The following FAM222B variants were observed in gnomAD, a reference collection of about 807,000 sequenced individuals.
FAM222B encodes the protein family with sequence similarity 222 member B.
A neutral mutation model predicts 38.0 loss-of-function variants in FAM222B; 12 were observed. That is an observed-to-expected ratio of 0.32 (90% CI 0.20 to 0.51). The LOEUF (loss-of-function observed/expected upper bound fraction) is 0.51. Ranked by LOEUF, FAM222B falls within the 20% of genes least tolerant of loss-of-function variation. The pLI is 0.97. For synonymous variants in FAM222B, 329 were observed against 317.2 expected, an observed-to-expected ratio of 1.04 and a Z score of -0.40; for missense variants, 716 against 754.2, an observed-to-expected ratio of 0.95 and a Z score of 0.59.
Position 28,758,705 on chromosome 17 carries a change from C to A in FAM222B, c.1254G>T (p.Gln418His). ...CCAGGGGTGGCTTCAGATGGAAGGA[C>A]TGCGCCAGGCAGAGTTCCTGCGGGT... ...PAYPQELCLA[Q>H]SFHLKPPLEK... Residue 418 changes from glutamine to histidine, a missense_variant, in exon 3 of 3, where the codon CAG becomes CAT. Transcript: ENST00000581407. 1 of 1,596,986 alleles carries A rather than the reference C, an allele frequency of 6.3e-7. No individual in the cohort carries two copies. Among genetic ancestry groups the A allele is most frequent in the Non-Finnish European group, 8.5e-7 (1 of 1,169,734 alleles).
At position 28,827,625 on chromosome 17, in the gene FAM222B, G is replaced by A. The variant is rs1172787115; in HGVS notation, c.-41+15057C>T. On this transcript the variant is annotated intron_variant, in intron 1 of 2. Coordinates refer to ENST00000581407, the MANE Select transcript of FAM222B (RefSeq NM_001077498.3). ...AGACTTCACAGAAGAAATTAACTAT[G>A]AGCTAAATCCTAAAGCTTAATTAGG... Among the ~76,000 whole-genome samples the A allele has an allele frequency of 2.6e-5, 4 of 152,158 alleles. No homozygotes were observed. The East Asian group carries it at 5.8e-4, about 22-fold the overall frequency.
intron 1 of FAM222B, among the ~76,000 whole-genome samples, chr17:28,800,080 G>A (rs1567854379): frequency 6.7e-6 from 1 of 149,430 alleles, no homozygotes; most frequent in East Asian, 2.0e-4. Flanking sequence ...TGCCCATGCT[G>A]GAGTGCCATG....
At chr17:28,847,468 C>G (rs144711718), upstream of FAM222B, among the ~76,000 whole-genome samples, 73 of 151,940 alleles carry the variant, frequency 4.8e-4, 1 homozygote, top group Middle Eastern at 3.4e-3. Context: ...GTGGCGGAAG[C>G]CTGTAATCCC....
intron 1 of FAM222B, among the ~76,000 whole-genome samples, chr17:28,769,545 C>A (rs1483942396): frequency 2.0e-5 from 3 of 152,234 alleles, no homozygotes; most frequent in Non-Finnish European, 4.4e-5. Context: ...GTTCCGCCCG[C>A]CTTGGCCTCC....
In FAM222B at chr17:28,766,638, G is replaced by C. The variant is rs1389827894; in HGVS notation, c.30C>G (p.Asp10Glu). 6.2e-7 allele frequency: 1 copy of C among 1,606,542 alleles called. No homozygotes were observed. Among genetic ancestry groups the C allele is most frequent in the South Asian group, 1.1e-5 (1 of 89,406 alleles). Residue 10 changes from aspartate (D) to glutamate (E), a missense_variant, in exon 2 of 3, where the codon GAC becomes GAG. By Grantham distance (45) the Asp-to-Glu change is conservative. Coordinates refer to ENST00000581407, the MANE Select transcript of FAM222B (RefSeq NM_001077498.3). MLACLPGPG[D>E]LSFQLLSHTQ... The stretch of plus-strand genomic sequence containing the variant: ...TGTGAGAAAGAAGCTGAAAGGACAG[G>C]TCACCTGGCCCTGGTAGACAGGCTA...
At chr17:28,854,053 C>T (rs1195444715) in intron 1 of FAM222B, among the ~76,000 whole-genome samples, 1 of 151,482 alleles carries the variant, frequency 6.6e-6, no homozygotes, top group Non-Finnish European at 1.5e-5. Context: ...ACGCCATTCT[C>T]CTGCCTCAGC....
chr17:28,810,868 GCTC>G (rs1042371834), intron 1 of FAM222B, among the ~76,000 whole-genome samples: 2 of 151,920 alleles, frequency 1.3e-5, no homozygotes, highest in East Asian at 1.9e-4. Flanking sequence ...ATCCCAAATT[GCTC>G]CTAATTGTCT....
intron 1 of FAM222B, among the ~76,000 whole-genome samples, chr17:28,790,915 T>TTTTTTTTTTA (rs752443903): frequency 2.5e-4 from 30 of 121,086 alleles, no homozygotes; most frequent in South Asian, 1.0e-3. Flanking sequence ...TTTTTTTTTT[T>TTTTTTTTTTA]AGAGACAGAA....
chr17:28,847,080 G>A (rs909985920), upstream of FAM222B, among the ~76,000 whole-genome samples: 1 of 151,400 alleles, frequency 6.6e-6, no homozygotes, highest in African/African-American at 2.4e-5. Context: ...CAAATTAGCC[G>A]GGCATGGTGG....
rs1162770681 is a variant in FAM222B at position 28,759,067 on chromosome 17, T to C, written c.892A>G (p.Ile298Val). 6.2e-7 allele frequency: 1 copy of C among 1,612,418 alleles called. No homozygotes were observed. Among genetic ancestry groups the C allele is most frequent in the South Asian group, 1.1e-5 (1 of 90,776 alleles). The change falls in exon 3 of 3, where the codon ATT becomes GTT. Residue 298 changes from isoleucine (I) to valine (V), a missense_variant. Transcript: ENST00000581407. The surrounding 1 kb of genome is among the most constrained non-coding windows in gnomAD (Gnocchi z 4.8). ...CEGQIANPSP[I>V]SRSLLINAST... is the part of the protein sequence containing the mutation. ...GCATTGATGAGCAGACTGCGACTAA[T>C]GGGGCTGGGGTTGGCGATCTGGCCC...
intron 1 of FAM222B, among the ~76,000 whole-genome samples, chr17:28,782,456 T>C (rs1162996909): frequency 1.3e-5 from 2 of 152,210 alleles, no homozygotes; most frequent in Non-Finnish European, 2.9e-5. Flanking sequence ...AAATGGATTA[T>C]GGAATCTAAA....
At chr17:28,812,517 G>C (rs532032234) in intron 1 of FAM222B, 70 of 152,300 alleles carry the variant, frequency 4.6e-4, no homozygotes, top group African/African-American at 1.6e-3. Flanking sequence ...TCTCCTGTCT[G>C]CACAGCCAAT....
chr17:28,780,899 GA>G (rs2151839409), intron 1 of FAM222B, among the ~76,000 whole-genome samples: 2 of 151,228 alleles, frequency 1.3e-5, no homozygotes, highest in African/African-American at 4.8e-5. Context: ...AAAACCCAAA[GA>G]AACAAAAACA....
At chr17:28,824,746 C>T (rs752498461) in intron 1 of FAM222B, among the ~76,000 whole-genome samples, 1 of 152,124 alleles carries the variant, frequency 6.6e-6, no homozygotes, top group African/African-American at 2.4e-5. Flanking sequence ...GTGCAAAGAG[C>T]CTTGTTACTG....
chr17:28,831,723 G>C (rs986356585), intron 1 of FAM222B, among the ~76,000 whole-genome samples: 1 of 151,454 alleles, frequency 6.6e-6, no homozygotes, highest in Non-Finnish European at 1.5e-5. Flanking sequence ...TCCCAGGCTG[G>C]TCTCGAACCC....
intron 1 of FAM222B, among the ~76,000 whole-genome samples, chr17:28,786,141 GT>G (rs796268771): frequency 2.2e-4 from 32 of 145,144 alleles, no homozygotes; most frequent in East Asian, 4.0e-4. Context: ...CATAGGTTTT[GT>G]TTTTTTTTTT....
chr17:28,816,891 A>G (rs923600076), intron 1 of FAM222B, among the ~76,000 whole-genome samples: 1 of 152,150 alleles, frequency 6.6e-6, no homozygotes, highest in Non-Finnish European at 1.5e-5. Context: ...ACAGTAATTA[A>G]AGGGTTTTAA....
At chr17:28,767,627 C>T (rs892442780) in intron 1 of FAM222B, among the ~76,000 whole-genome samples, 4 of 151,854 alleles carry the variant, frequency 2.6e-5, no homozygotes, top group African/African-American at 9.7e-5. Flanking sequence ...AGGCGCATGC[C>T]GCCATGCCCA....
chr17:28,821,526 T>C (rs1239272163), intron 1 of FAM222B, among the ~76,000 whole-genome samples: 1 of 152,188 alleles, frequency 6.6e-6, no homozygotes, highest in Admixed American at 6.5e-5. Context: ...TGATGTACTT[T>C]AAGAACAAGG....
Sources: gnomAD v4.1 joint callset for allele counts (sites outside exome capture counted in the v4.1 genomes callset) on GRCh38, gnomAD v4.1.1 for gene constraint, Gnocchi (gnomAD v3.1) non-coding constraint, MANE v1.5 for transcripts, NCBI Gene and HGNC (gene_info 2026-07-23, HGNC 2026-07-21) for gene names.